Variants in ATG4B observed in about 807,000 individuals in gnomAD.
The protein encoded by ATG4B is autophagy related 4B cysteine peptidase.
Under a neutral mutation model 56.6 loss-of-function variants are expected in ATG4B, and 29 were observed. The observed-to-expected ratio is 0.51, with a 90% CI of 0.38 to 0.70. The LOEUF is 0.70. Among genes scored for constraint, ATG4B ranks in the 30% least tolerant of loss-of-function variants. The probability of loss-of-function intolerance (pLI) is 0.00; values close to 1 mark genes in which losing one functional copy is unlikely to be tolerated. For synonymous variants in ATG4B, 224 were observed against 206.1 expected (o/e 1.09, Z -0.74); for missense variants, 461 against 515.5 (o/e 0.89, Z 1.02).
At chr2:241,670,939 G>A (rs1007549841) in intron 11 of ATG4B, among the ~76,000 whole-genome samples, 157 bp downstream of exon 11, 1 of 152,238 alleles carries the variant, frequency 6.6e-6, no homozygotes, top group Non-Finnish European at 1.5e-5. Flanking sequence ...GCTGAGCAGG[G>A]TGGGGCGTCC....
At position 241,668,343 on chromosome 2, in the gene ATG4B, GTTCA is replaced by G; in HGVS notation, c.811+125_811+128del. 1 of 1,393,872 alleles carries G rather than the reference GTTCA, an allele frequency of 7.2e-7. No homozygotes were observed. The highest frequency in any genetic ancestry group is 9.9e-7 in the Non-Finnish European group (1 of 1,007,064). 86.3% of individuals were successfully genotyped at this position (1,393,872 alleles called of 1,614,324 possible). A position where few individuals can be genotyped will look rare whatever the true frequency, so the allele number is the denominator to read the frequency against. On this transcript the variant is annotated intron_variant, in intron 9 of 12. Transcript: ENST00000404914. The surrounding 1 kb of genome is among the most constrained non-coding windows in gnomAD (Gnocchi z 4.2). ...TGGTGGAAAAGCAGCATGCCCTGGG[GTTCA>G]TTTTCAGCCTGGTCGCGGGCGGCCT...
intron 12 of ATG4B, chr2:241,671,945 C>T (rs1403824811): frequency 2.2e-6 from 3 of 1,391,692 alleles, no homozygotes; most frequent in East Asian, 2.7e-5. Context: ...GGACAGAGGC[C>T]CCTCAGGCCT....
chr2:241,644,045 A>T (rs35572732), intron 1 of ATG4B, among the ~76,000 whole-genome samples: 63,101 of 151,806 alleles, frequency 0.42, 13,814 homozygotes, highest in African/African-American at 0.55. Context: ...TGGATCTCAT[A>T]CATCTGAGAG....
chr2:241,639,768 G>T (rs964028162), intron 1 of ATG4B, among the ~76,000 whole-genome samples: 1 of 152,154 alleles, frequency 6.6e-6, no homozygotes, highest in East Asian at 1.9e-4. Flanking sequence ...TGCAAAAAAG[G>T]TTAAAACAAA....
Position 241,668,075 on chromosome 2 carries a change from A to G in ATG4B, c.733-68A>G. 2 of 1,502,158 alleles carry G rather than the reference A, an allele frequency of 1.3e-6. No homozygotes were observed. The highest frequency in any genetic ancestry group is 2.0e-5 in the Admixed American group (1 of 50,030). The allele number at this position is 1,502,158 out of a possible 1,614,324, so 93.1% of individuals were successfully genotyped here. A position where few individuals can be genotyped will look rare whatever the true frequency, so the allele number is the denominator to read the frequency against. On this transcript the variant is annotated intron_variant, in intron 8 of 12. Coordinates refer to ENST00000404914, the MANE Select transcript of ATG4B (RefSeq NM_013325.5). The surrounding 1 kb of genome is among the most constrained non-coding windows in gnomAD (Gnocchi z 4.2). ...GCCTCAGCAGGCCCTTGGGCCCCCT[A>G]TGGCAGTGGGTGGGGGGACCGTCTG... is the stretch of plus-strand genomic sequence containing the variant.
chr2:241,667,925 A>G (rs2068830433), intron 8 of ATG4B: 1 of 535,006 alleles, frequency 1.9e-6, no homozygotes, highest in Admixed American at 3.4e-5. Flanking sequence ...TCTGACATGA[A>G]GCTTCCCTGA....
chr2:241,663,643 A>G (rs1370920581), intron 7 of ATG4B, among the ~76,000 whole-genome samples: 4 of 152,236 alleles, frequency 2.6e-5, no homozygotes, highest in Admixed American at 2.0e-4. Flanking sequence ...AAGAAACCAA[A>G]GAATAATATT....
At chr2:241,671,253 T>TAAA in intron 11 of ATG4B, 59 bp from the exon 12 acceptor site, 1 of 1,498,530 alleles carries the variant, frequency 6.7e-7, no homozygotes, top group South Asian at 1.2e-5. Flanking sequence ...GGCCCCTTTC[T>TAAA]CTTGGCCGCA....
chr2:241,660,227 CG>C (rs2068549218), intron 7 of ATG4B, among the ~76,000 whole-genome samples: 2 of 152,202 alleles, frequency 1.3e-5, no homozygotes, highest in African/African-American at 4.8e-5. Flanking sequence ...GAGCCACAGC[CG>C]TAACTGCGCA....
chr2:241,658,929 T>C (rs1254453951), intron 6 of ATG4B, among the ~76,000 whole-genome samples, 179 bp from the exon 7 acceptor site: 1 of 152,238 alleles, frequency 6.6e-6, no homozygotes, highest in Non-Finnish European at 1.5e-5. Flanking sequence ...AAGAAGCAGA[T>C]TTACCCTCAG....
At chr2:241,667,034 C>T (rs1161528780) in intron 8 of ATG4B, among the ~76,000 whole-genome samples, 196 bp downstream of exon 8, 1 of 152,190 alleles carries the variant, frequency 6.6e-6, no homozygotes, top group Non-Finnish European at 1.5e-5. Context: ...GTGCTGCTTT[C>T]GTTCTGCAAG....
At chr2:241,645,710 G>A (rs1236373876) in intron 1 of ATG4B, among the ~76,000 whole-genome samples, 4 of 152,188 alleles carry the variant, frequency 2.6e-5, no homozygotes, top group African/African-American at 9.7e-5. Context: ...TGTGACGTGT[G>A]GACACTCCCC....
intron 7 of ATG4B, among the ~76,000 whole-genome samples, chr2:241,660,646 CAT>C (rs1223092526): frequency 5.9e-5 from 9 of 152,200 alleles, no homozygotes; most frequent in Non-Finnish European, 7.3e-5. Flanking sequence ...AGAAATAACT[CAT>C]ATGAGCATTT....
intron 1 of ATG4B, among the ~76,000 whole-genome samples, chr2:241,638,780 A>G (rs1467456042): frequency 6.6e-6 from 1 of 152,240 alleles, no homozygotes; most frequent in Non-Finnish European, 1.5e-5. Context: ...CTGACTCCCT[A>G]AGGAGCATGT....
chr2:241,651,310 A>G lies in ATG4B; in HGVS notation c.159A>G (p.Thr53=). Residue 53 remains threonine, a synonymous_variant, in exon 3 of 13, where the codon ACA becomes ACG. Transcript: ENST00000404914. The surrounding 1 kb of genome is among the most constrained non-coding windows in gnomAD (Gnocchi z 4.1). ...LSDVASRLWF[T]YRKNFPAIGG... ...ATGTGGCATCTAGACTTTGGTTTAC[A>G]TACAGGAAAAACTTTCCAGCCATTG... The G allele has an allele frequency of 6.2e-7, 1 of 1,601,954 alleles. No homozygotes were observed. The highest frequency in any genetic ancestry group is 8.5e-7 in the Non-Finnish European group (1 of 1,173,798).
Position 241,651,059 on chromosome 2 carries a change from T to A in ATG4B, c.60T>A (p.Pro20=). Reference sequence around the variant, plus strand: ...GGTTTGCTGAGTTTGAAGATTTTCCTGAGACCTCAGAGCCCGTTTGGATAC... The same window carrying A: ...GGTTTGCTGAGTTTGAAGATTTTCCAGAGACCTCAGAGCCCGTTTGGATAC... ...TLRFAEFEDF[P]ETSEPVWILG... The change falls in exon 2 of 13, where the codon CCT becomes CCA. Residue 20 remains proline (P), a synonymous_variant. Transcript: ENST00000404914. The surrounding 1 kb of genome is among the most constrained non-coding windows in gnomAD (Gnocchi z 4.1). 6.2e-7 allele frequency: 1 copy of A among 1,614,008 alleles called. No individual in the cohort carries two copies. The highest frequency in any genetic ancestry group is 8.5e-7 in the Non-Finnish European group (1 of 1,179,872).
intron 12 of ATG4B, chr2:241,671,695 C>T (rs1460768006): frequency 1.5e-6 from 2 of 1,361,804 alleles, no homozygotes; most frequent in East Asian, 3.1e-5. Context: ...GCAGACAGAA[C>T]ATGCAGGCTC....
chr2:241,662,369 G>T (rs1226871329), intron 7 of ATG4B, among the ~76,000 whole-genome samples: 1 of 152,226 alleles, frequency 6.6e-6, no homozygotes, highest in Non-Finnish European at 1.5e-5. Context: ...TCTGAGAAAA[G>T]ACCTGGCTTC....
chr2:241,661,584 G>A (rs749523906), intron 7 of ATG4B, among the ~76,000 whole-genome samples: 3 of 152,232 alleles, frequency 2.0e-5, no homozygotes, highest in Non-Finnish European at 4.4e-5. Flanking sequence ...GGAACTGCTT[G>A]TGGAAGGAGC....
Sources: gnomAD v4.1 joint callset for allele counts (sites outside exome capture counted in the v4.1 genomes callset) on GRCh38, gnomAD v4.1.1 for gene constraint, Gnocchi (gnomAD v3.1) non-coding constraint, MANE v1.5 for transcripts, NCBI Gene and HGNC (gene_info 2026-07-23, HGNC 2026-07-21) for gene names.